STARD13: variants seen among roughly 807,000 people sequenced by gnomAD.
The protein encoded by STARD13 is StAR related lipid transfer domain containing 13.
In STARD13, 62 loss-of-function variants were observed where a neutral mutation model predicts 106.4. The ratio of observed to expected loss-of-function variants is 0.58; its 90% CI spans 0.48 to 0.72. The LOEUF (loss-of-function observed/expected upper bound fraction) is 0.72, where lower values mean the gene tolerates loss of function less well. Among genes scored for constraint, STARD13 ranks in the 30% least tolerant of loss-of-function variants. STARD13 has a pLI of 0.00. For synonymous variants in STARD13, 565 were observed against 553.0 expected (o/e 1.02, Z -0.31); for missense variants, 1,387 against 1,424.0 (o/e 0.97, Z 0.42).
chr13:33,397,409 T>C, the STARD13 span, among the ~76,000 whole-genome samples: 1 of 152,176 alleles, frequency 6.6e-6, no homozygotes, highest in South Asian at 2.1e-4. Flanking sequence ...TCTGTAGGAA[T>C]TGGGGCTCAG....
At chr13:33,479,465 A>T in the STARD13 span, among the ~76,000 whole-genome samples, 3 of 152,240 alleles carry the variant, frequency 2.0e-5, no homozygotes, top group Non-Finnish European at 4.4e-5. Context: ...GACCTAAAAG[A>T]GTCAAACATA....
At chr13:33,319,137 A>G (rs1053456350) in intron 1 of STARD13, among the ~76,000 whole-genome samples, 1 of 152,252 alleles carries the variant, frequency 6.6e-6, no homozygotes, top group Non-Finnish European at 1.5e-5. Flanking sequence ...AAATGTGAAG[A>G]CAACCCAAAT....
the STARD13 span, among the ~76,000 whole-genome samples, chr13:33,464,024 C>CATACATATATATATAT: frequency 1.2e-4 from 14 of 112,516 alleles, no homozygotes; most frequent in Non-Finnish European, 2.6e-4. Flanking sequence ...AAAAAAAATA[C>CATACATATATATATAT]ATATATATAT....
At chr13:33,221,932 C>T (rs1380806798) in intron 1 of STARD13, among the ~76,000 whole-genome samples, 7 of 152,172 alleles carry the variant, frequency 4.6e-5, no homozygotes, top group Non-Finnish European at 1.0e-4. Context: ...AGACAGATCA[C>T]AAGGTCAAGA....
At chr13:33,527,572 G>A in the STARD13 span, among the ~76,000 whole-genome samples, 1 of 151,894 alleles carries the variant, frequency 6.6e-6, no homozygotes, top group African/African-American at 2.4e-5. Context: ...TATTTATATG[G>A]ATGCAAATAT....
chr13:33,534,011 G>T, the STARD13 span, among the ~76,000 whole-genome samples: 1 of 152,186 alleles, frequency 6.6e-6, no homozygotes. Flanking sequence ...TGGTCAGAAC[G>T]TTGTGCTTAG....
chr13:33,105,759 C>A lies in STARD13; in HGVS notation c.3225-49G>T, dbSNP rs1413347377. The A allele has an allele frequency of 2.0e-6, 3 of 1,509,802 alleles. No homozygotes were observed. In the South Asian group the frequency reaches 3.4e-5, roughly 17 times the overall value. The allele number at this position is 1,509,802 out of a possible 1,614,324, so 93.5% of individuals were successfully genotyped here. On this transcript the variant is annotated intron_variant, in intron 13 of 13. Transcript: ENST00000336934. ...GAAGTGGGAAAGTTTGTTTCCAAAT[C>A]ACAGCAATTAGTTTTGGTGGACAGG...
chr13:33,141,434 T>A (rs1178858149), intron 4 of STARD13, among the ~76,000 whole-genome samples: 1 of 152,200 alleles, frequency 6.6e-6, no homozygotes, highest in Non-Finnish European at 1.5e-5. Flanking sequence ...ACATATTCAA[T>A]AAAGTACAGC....
At chr13:33,565,262 A>T in the STARD13 span, among the ~76,000 whole-genome samples, 1 of 147,136 alleles carries the variant, frequency 6.8e-6, no homozygotes, top group Admixed American at 7.0e-5. Flanking sequence ...TGATTGATTA[A>T]TGGGCACAAA....
the STARD13 span, among the ~76,000 whole-genome samples, chr13:33,455,045 C>G: frequency 2.6e-5 from 4 of 152,204 alleles, no homozygotes; most frequent in African/African-American, 9.6e-5. Flanking sequence ...AGTAAAGGAA[C>G]TTTTAATTCA....
At chr13:33,369,867 G>C in the STARD13 span, among the ~76,000 whole-genome samples, 2 of 152,070 alleles carry the variant, frequency 1.3e-5, no homozygotes, top group Non-Finnish European at 1.5e-5. Context: ...ATATCGATCA[G>C]TTCATAAGCT....
At chr13:33,137,862 T>C (rs1473471620) in intron 4 of STARD13, among the ~76,000 whole-genome samples, 1 of 152,016 alleles carries the variant, frequency 6.6e-6, no homozygotes, top group East Asian at 1.9e-4. Context: ...TGACTGCTCT[T>C]TGGAGTTGCC....
the STARD13 span, among the ~76,000 whole-genome samples, chr13:33,548,866 A>G: frequency 6.6e-6 from 1 of 152,190 alleles, no homozygotes; most frequent in African/African-American, 2.4e-5. Flanking sequence ...GCATCAAAAT[A>G]ATTTCTAGGT....
chr13:33,211,829 G>GTGTGTGTGTA (rs1555248563), intron 1 of STARD13, among the ~76,000 whole-genome samples: 5 of 64,896 alleles, frequency 7.7e-5, no homozygotes, highest in South Asian at 4.6e-4. Flanking sequence ...GTGTGTGTAT[G>GTGTGTGTGTA]TGTGTGTGTG....
chr13:33,133,388 A>C (rs1448857666), intron 4 of STARD13, among the ~76,000 whole-genome samples: 1 of 150,886 alleles, frequency 6.6e-6, no homozygotes, highest in Non-Finnish European at 1.5e-5. Flanking sequence ...GCTCAGGGAA[A>C]TTTTGCAGTA....
At chr13:33,254,518 G>C (rs570550493) in intron 1 of STARD13, among the ~76,000 whole-genome samples, 1 of 152,266 alleles carries the variant, frequency 6.6e-6, no homozygotes, top group East Asian at 1.9e-4. Flanking sequence ...GTGATTCCCC[G>C]ACAAAGGCCC....
chr13:33,158,191 AAG>A lies in STARD13; in HGVS notation c.323+7144_323+7145del, dbSNP rs371245565. On this transcript the variant is annotated intron_variant, in intron 3 of 13. Transcript: ENST00000336934. ...GGGCCTAAAATGAGAGCTAGAGAGA[AAG>A]AGAGAGAGAGAGAGAGAGCAAGAGA... is the stretch of plus-strand genomic sequence containing the variant. Among the ~76,000 whole-genome samples the A allele has an allele frequency of 6.6e-4, 98 of 147,700 alleles. 1 individual carries two copies. The highest frequency in any genetic ancestry group is 3.5e-3 in the Middle Eastern group (1 of 284).
the STARD13 span, among the ~76,000 whole-genome samples, chr13:33,519,287 C>CT: frequency 8.2e-6 from 1 of 121,728 alleles, no homozygotes; most frequent in Non-Finnish European, 1.7e-5. Flanking sequence ...CTTTCTCTTT[C>CT]TTTCTTTCTC....
At chr13:33,499,523 T>G in the STARD13 span, among the ~76,000 whole-genome samples, 5 of 50,404 alleles carry the variant, frequency 9.9e-5, no homozygotes, top group African/African-American at 3.2e-4. Flanking sequence ...TCTTTCTTTC[T>G]TCTTCTTCTT....
Sources: gnomAD v4.1 joint callset for allele counts (sites outside exome capture counted in the v4.1 genomes callset) on GRCh38, gnomAD v4.1.1 for gene constraint, MANE v1.5 for transcripts, NCBI Gene and HGNC (gene_info 2026-07-23, HGNC 2026-07-21) for gene names.